Variants in BACH2 observed in about 807,000 individuals in gnomAD.
BACH2 encodes the protein transcription regulator protein BACH2.
BACH2 carries 5 observed loss-of-function variants against 61.8 expected under a neutral mutation model. That is an observed-to-expected ratio of 0.08 (90% CI 0.04 to 0.17). BACH2 has a LOEUF of 0.17. BACH2 is among the 10% of genes least tolerant of loss of function. The pLI, the probability that BACH2 is intolerant of heterozygous loss-of-function variation, is 1.00. For synonymous variants in BACH2, 446 were observed against 440.1 expected (o/e 1.01, Z -0.17); for missense variants, 824 against 1,091.1 (o/e 0.76, Z 3.45).
chr6:90,029,460 C>T (rs1778832968), intron 5 of BACH2, among the ~76,000 whole-genome samples: 1 of 152,138 alleles, frequency 6.6e-6, no homozygotes, highest in Non-Finnish European at 1.5e-5. Context: ...TCCGTTTAAA[C>T]CACAACCCCA....
At chr6:90,163,791 T>C (rs1312199385) in intron 4 of BACH2, among the ~76,000 whole-genome samples, 1 of 152,218 alleles carries the variant, frequency 6.6e-6, no homozygotes, top group African/African-American at 2.4e-5. Context: ...AAATGTACCA[T>C]ATATCTGTGC....
At position 90,008,871 on chromosome 6, in the gene BACH2, G is replaced by A; in HGVS notation, c.-12-15C>T. 3 of 1,608,322 alleles carry A rather than the reference G, an allele frequency of 1.9e-6. No homozygotes were observed. The highest frequency in any genetic ancestry group is 1.7e-5 in the Admixed American group (1 of 59,632). ...CCGTTCACACCCTGAAAGAAAGAAA[G>A]AAACAAAGAAAGAAAGAAAGAAAGG... is the stretch of plus-strand genomic sequence containing the variant. On this transcript the variant is annotated splice_polypyrimidine_tract_variant and intron_variant, in intron 5 of 8. Transcript: ENST00000257749. The surrounding 1 kb of genome is among the most constrained non-coding windows in gnomAD (Gnocchi z 4.1).
rs1769106989 is a variant in BACH2 at position 90,205,325 on chromosome 6, T to C, written c.-162+1244A>G. On this transcript the variant is annotated intron_variant, in intron 4 of 8. Coordinates refer to ENST00000257749, the MANE Select transcript of BACH2 (RefSeq NM_021813.4). ...TTTTTGTAGGCTCCGGAAACAACTCTCCCCTGTTTTAAATCCTTCAGTGGC... is the reference window on the plus strand; with the variant it reads ...TTTTTGTAGGCTCCGGAAACAACTCCCCCCTGTTTTAAATCCTTCAGTGGC... 2.0e-5 allele frequency among the ~76,000 whole-genome samples: 3 copies of C among 152,134 alleles called. No individual in the cohort carries two copies. In the East Asian group the frequency reaches 5.8e-4, roughly 29 times the overall value.
rs549383393 is a variant in BACH2 at position 90,152,300 on chromosome 6, A to C, written c.-162+54269T>G. On this transcript the variant is annotated intron_variant, in intron 4 of 8. Coordinates refer to ENST00000257749, the MANE Select transcript of BACH2 (RefSeq NM_021813.4). ...TGCATGCTCACACATGTTCAAATGCACACAGAAAGACACAGGTAACTCTTC... is the reference window on the plus strand; with the variant it reads ...TGCATGCTCACACATGTTCAAATGCCCACAGAAAGACACAGGTAACTCTTC... Among the ~76,000 whole-genome samples, 34 of 152,380 alleles carry C rather than the reference A, an allele frequency of 2.2e-4. No homozygotes were observed. In the South Asian group the frequency reaches 7.0e-3, roughly 32 times the overall value.
rs555112985 is a variant in BACH2 at position 90,096,093 on chromosome 6, T to C, written c.-161-6984A>G. ...TTTCCCATGTGCCACCAGTAAAACA[T>C]GAAAGTAAACTGACAAGGCTGCAGG... On this transcript the variant is annotated intron_variant, in intron 4 of 8. Coordinates refer to ENST00000257749, the MANE Select transcript of BACH2 (RefSeq NM_021813.4). Among the ~76,000 whole-genome samples, 118 of 152,322 alleles carry C rather than the reference T, an allele frequency of 7.7e-4. 4 individuals are homozygous for C. The highest frequency in any genetic ancestry group is 7.6e-3 in the Admixed American group (117 of 15,302).
chr6:89,939,656 CTTTTTT>C (rs71298713), intron 7 of BACH2, among the ~76,000 whole-genome samples: 20,092 of 82,168 alleles, frequency 0.24, 1,338 homozygotes, highest in East Asian at 0.41. Context: ...GCTTATATTT[CTTTTTT>C]TTTTTTTTTT....
At chr6:90,017,351 C>T (rs1241405098) in intron 5 of BACH2, among the ~76,000 whole-genome samples, 2 of 152,052 alleles carry the variant, frequency 1.3e-5, no homozygotes, top group East Asian at 3.8e-4. Flanking sequence ...TCCCAAGTAG[C>T]AGGGATTACA....
rs1033179166 is a variant in BACH2, at chr6:90,244,465, T to A, written c.-275+8048A>T. Among the ~76,000 whole-genome samples the A allele has an allele frequency of 3.9e-5, 6 of 152,290 alleles. No individual in the cohort carries two copies. The East Asian group carries it at 1.2e-3, about 29-fold the overall frequency. ...CTGCTGTGATCTCTCCAGAATCTGG[T>A]CTAGAATCCTTGGATAATGGCTGGG... On this transcript the variant is annotated intron_variant, in intron 3 of 8. Coordinates refer to ENST00000257749, the MANE Select transcript of BACH2 (RefSeq NM_021813.4).
chr6:89,943,801 C>T (rs1308389491), intron 7 of BACH2, among the ~76,000 whole-genome samples: 1 of 152,158 alleles, frequency 6.6e-6, no homozygotes, highest in Admixed American at 6.5e-5. Context: ...GGTTTTATTA[C>T]CAGATGTTGA....
rs1183474000 is a variant in BACH2 at position 90,008,871 on chromosome 6, G to T, written c.-12-15C>A. Reference sequence around the variant, plus strand: ...CCGTTCACACCCTGAAAGAAAGAAAGAAACAAAGAAAGAAAGAAAGAAAGG... The same window carrying T: ...CCGTTCACACCCTGAAAGAAAGAAATAAACAAAGAAAGAAAGAAAGAAAGG... On this transcript the variant is annotated splice_polypyrimidine_tract_variant and intron_variant, in intron 5 of 8. Transcript: ENST00000257749. This position sits in a 1 kb window ranked among gnomAD's most constrained non-coding sequence, Gnocchi z 4.1. 6.2e-7 allele frequency: 1 copy of T among 1,608,322 alleles called. No individual in the cohort carries two copies.
chr6:90,218,920 CGTGTGTGTGTGTGT>C (rs3221352), intron 3 of BACH2, among the ~76,000 whole-genome samples: 16 of 140,494 alleles, frequency 1.1e-4, no homozygotes, highest in East Asian at 4.2e-4. Flanking sequence ...GTTTCCTTTC[CGTGTGTGTGTGTGT>C]GTGTGTGTGT....
intron 6 of BACH2, among the ~76,000 whole-genome samples, chr6:89,955,394 T>C (rs1774369713): frequency 6.6e-6 from 1 of 152,230 alleles, no homozygotes; most frequent in Non-Finnish European, 1.5e-5. Context: ...TGAGTAGTTG[T>C]CAACTGAGAA....
chr6:90,219,680 C>A (rs1769671152), intron 3 of BACH2, among the ~76,000 whole-genome samples: 1 of 152,198 alleles, frequency 6.6e-6, no homozygotes, highest in South Asian at 2.1e-4. Context: ...AGTGCTGACA[C>A]TTGATCCAGC....
chr6:90,158,450 G>A (rs1785068590), intron 4 of BACH2, among the ~76,000 whole-genome samples: 1 of 152,132 alleles, frequency 6.6e-6, no homozygotes, highest in Non-Finnish European at 1.5e-5. Context: ...GGCACAGGTA[G>A]ACCCAGGAGC....
chr6:89,960,970 A>G (rs1774709821), intron 6 of BACH2, among the ~76,000 whole-genome samples: 1 of 152,208 alleles, frequency 6.6e-6, no homozygotes, highest in Admixed American at 6.5e-5. Flanking sequence ...CAAACATTCC[A>G]TATTGTCTTT....
intron 8 of BACH2, among the ~76,000 whole-genome samples, chr6:89,933,567 T>A (rs1169692021): frequency 6.6e-6 from 1 of 152,018 alleles, no homozygotes; most frequent in African/African-American, 2.4e-5. Context: ...GTTCATTGAC[T>A]AACACATGTA....
At chr6:90,180,977 A>G (rs1768142258) in intron 4 of BACH2, among the ~76,000 whole-genome samples, 1 of 152,170 alleles carries the variant, frequency 6.6e-6, no homozygotes, top group South Asian at 2.1e-4. Context: ...GCTGCAATAA[A>G]CATACACCTG....
At chr6:90,120,823 C>T (rs1783592006) in intron 4 of BACH2, among the ~76,000 whole-genome samples, 2 of 152,232 alleles carry the variant, frequency 1.3e-5, no homozygotes, top group Admixed American at 1.3e-4. Context: ...TGGAGCACAT[C>T]AGCTCTCTCT....
intron 5 of BACH2, among the ~76,000 whole-genome samples, chr6:90,054,906 G>A (rs894381473): frequency 6.6e-6 from 1 of 152,194 alleles, no homozygotes. Flanking sequence ...ACCTGCAGCT[G>A]AGGGTCCTGT....
Sources: gnomAD v4.1 joint callset for allele counts (sites outside exome capture counted in the v4.1 genomes callset) on GRCh38, gnomAD v4.1.1 for gene constraint, Gnocchi (gnomAD v3.1) non-coding constraint, MANE v1.5 for transcripts, NCBI Gene and HGNC (gene_info 2026-07-23, HGNC 2026-07-21) for gene names.